ANKS1B: variants seen among roughly 807,000 people sequenced by gnomAD.
ANKS1B encodes the protein ankyrin repeat and sterile alpha motif domain-containing protein 1B.
ANKS1B carries 36 observed loss-of-function variants against 148.3 expected under a neutral mutation model. The ratio of observed to expected loss-of-function variants is 0.24; its 90% CI spans 0.19 to 0.32. The LOEUF (loss-of-function observed/expected upper bound fraction) is 0.32. Ranked by LOEUF, ANKS1B falls within the 10% of genes least tolerant of loss-of-function variation. ANKS1B has a pLI of 1.00. For missense variants in ANKS1B, 1,157 were observed against 1,542.6 expected (o/e 0.75, Z 4.19); for synonymous variants, 542 against 560.8 (o/e 0.97, Z 0.47).
intron 9 of ANKS1B, among the ~76,000 whole-genome samples, chr12:99,625,313 A>G (rs1432846241): frequency 2.6e-5 from 4 of 152,212 alleles, no homozygotes; most frequent in African/African-American, 7.2e-5. Flanking sequence ...GATAGGATCA[A>G]TCATATCCCA....
chr12:99,503,782 C>T (rs981339327), intron 10 of ANKS1B, among the ~76,000 whole-genome samples: 4 of 151,898 alleles, frequency 2.6e-5, no homozygotes, highest in African/African-American at 9.7e-5. Flanking sequence ...AAAAAAAAAG[C>T]CTCTCTTCAG....
chr12:99,055,318 G>A (rs570490483), intron 16 of ANKS1B, among the ~76,000 whole-genome samples: 1 of 152,330 alleles, frequency 6.6e-6, no homozygotes, highest in South Asian at 2.1e-4. Context: ...CACTAAGGTT[G>A]AAGTTAACTG....
chr12:98,789,468 A>G (rs2098828811), intron 22 of ANKS1B, among the ~76,000 whole-genome samples: 1 of 152,006 alleles, frequency 6.6e-6, no homozygotes. Flanking sequence ...AATTAAGCAC[A>G]TGCTCTTGAG....
intron 8 of ANKS1B, among the ~76,000 whole-genome samples, chr12:99,692,276 G>C (rs1456111787): frequency 6.6e-6 from 1 of 152,118 alleles, no homozygotes; most frequent in East Asian, 1.9e-4. Flanking sequence ...AATTGAAGAA[G>C]GCTGGGATAG....
intron 17 of ANKS1B, among the ~76,000 whole-genome samples, chr12:98,986,703 C>G (rs972012082): frequency 6.6e-6 from 1 of 152,118 alleles, no homozygotes; most frequent in African/African-American, 2.4e-5. Flanking sequence ...CAGCCTTGAC[C>G]TACCAGGCTC....
intron 11 of ANKS1B, among the ~76,000 whole-genome samples, chr12:99,441,428 A>G (rs1391743055): frequency 9.2e-5 from 14 of 151,900 alleles, no homozygotes; most frequent in Admixed American, 9.2e-4. Context: ...CCATGTGAAT[A>G]TACTACTCCC....
At chr12:99,805,088 T>A (rs2067421659) in intron 4 of ANKS1B, among the ~76,000 whole-genome samples, 1 of 151,988 alleles carries the variant, frequency 6.6e-6, no homozygotes, top group African/African-American at 2.4e-5. Flanking sequence ...AATTATGAGC[T>A]AAATAAAGAG....
rs546745518 is a variant in ANKS1B at position 99,109,270 on chromosome 12, A to G, written c.2527-24247T>C. ...AGTTAATTGGTTCATCAAGTAGAGC[A>G]ATTCCTATTGTGGGCTTAGCTGGCT... is the stretch of plus-strand genomic sequence containing the variant. On this transcript the variant is annotated intron_variant, in intron 15 of 26. Transcript: ENST00000683438. Among the ~76,000 whole-genome samples the G allele has an allele frequency of 2.6e-5, 4 of 152,318 alleles. No individual in the cohort carries two copies. In the East Asian group the frequency reaches 5.8e-4, roughly 22 times the overall value.
At chr12:99,725,961 C>A (rs2058575841) in intron 8 of ANKS1B, among the ~76,000 whole-genome samples, 1 of 152,110 alleles carries the variant, frequency 6.6e-6, no homozygotes, top group African/African-American at 2.4e-5. Flanking sequence ...AACAAAGAGA[C>A]AATGTGCCAG....
intron 17 of ANKS1B, among the ~76,000 whole-genome samples, chr12:98,988,407 T>C (rs2099924681): frequency 6.6e-6 from 1 of 152,160 alleles, no homozygotes; most frequent in South Asian, 2.1e-4. Flanking sequence ...CCTTGAGGTT[T>C]ATCCATGCTG....
At chr12:99,466,893 T>C (rs1271535587) in intron 10 of ANKS1B, among the ~76,000 whole-genome samples, 1 of 152,118 alleles carries the variant, frequency 6.6e-6, no homozygotes, top group Non-Finnish European at 1.5e-5. Flanking sequence ...CTTCTGAAAC[T>C]ATTCCAATCA....
intron 9 of ANKS1B, among the ~76,000 whole-genome samples, chr12:99,506,378 C>A (rs1182191510): frequency 6.6e-6 from 1 of 151,944 alleles, no homozygotes; most frequent in African/African-American, 2.4e-5. Flanking sequence ...CAATACCAGA[C>A]CCTCACACAT....
At chr12:99,548,076 T>C (rs756256237) in intron 9 of ANKS1B, among the ~76,000 whole-genome samples, 2 of 152,210 alleles carry the variant, frequency 1.3e-5, no homozygotes, top group African/African-American at 4.8e-5. Context: ...ATCAGACCAG[T>C]TGTGCTGCCC....
At chr12:99,842,551 G>C (rs980978929) in intron 1 of ANKS1B, among the ~76,000 whole-genome samples, 2 of 152,018 alleles carry the variant, frequency 1.3e-5, no homozygotes, top group Admixed American at 6.6e-5. Flanking sequence ...GGTGATACCT[G>C]GTCACCATGG....
chr12:99,868,417 G>A (rs1157176653), intron 1 of ANKS1B, among the ~76,000 whole-genome samples: 2 of 152,116 alleles, frequency 1.3e-5, no homozygotes, highest in Non-Finnish European at 2.9e-5. Context: ...TCTTGAAATT[G>A]GAAATTACAC....
chr12:99,730,995 G>A (rs900799528), intron 8 of ANKS1B, among the ~76,000 whole-genome samples: 2 of 152,172 alleles, frequency 1.3e-5, no homozygotes, highest in African/African-American at 2.4e-5. Flanking sequence ...GGAGTGCAAT[G>A]TTGTTATCTC....
At position 99,858,228 on chromosome 12, in the gene ANKS1B, C is replaced by T. The variant is rs1311746425; in HGVS notation, c.135-32839G>A. 4.6e-5 allele frequency among the ~76,000 whole-genome samples: 7 copies of T among 152,082 alleles called. No individual in the cohort carries two copies. The East Asian group carries it at 1.2e-3, about 25-fold the overall frequency. ...ATCCCATCAAAAAGTGGGCTAAGGA[C>T]ATAAACAGACAATTCTCAAAAGAAG... On this transcript the variant is annotated intron_variant, in intron 1 of 26. Transcript: ENST00000683438.
At chr12:99,588,140 C>T (rs2097662639) in intron 9 of ANKS1B, among the ~76,000 whole-genome samples, 1 of 149,148 alleles carries the variant, frequency 6.7e-6, no homozygotes. Context: ...GCTCTGGAAA[C>T]AGAAAAAAAA....
At chr12:99,561,490 T>G (rs1220989169) in intron 9 of ANKS1B, among the ~76,000 whole-genome samples, 1 of 152,190 alleles carries the variant, frequency 6.6e-6, no homozygotes, top group Non-Finnish European at 1.5e-5. Context: ...CGGGAGGAAA[T>G]TTTTTTCTTA....
Sources: gnomAD v4.1 joint callset for allele counts (sites outside exome capture counted in the v4.1 genomes callset) on GRCh38, gnomAD v4.1.1 for gene constraint, MANE v1.5 for transcripts, NCBI Gene and HGNC (gene_info 2026-07-23, HGNC 2026-07-21) for gene names.